Variants in FBN1 observed in about 807,000 individuals in gnomAD.
FBN1 encodes the protein fibrillin 1, also known as fibrillin-1.
FBN1 carries 29 observed loss-of-function variants against 365.1 expected under a neutral mutation model. That is an observed-to-expected ratio of 0.08 (90% CI 0.06 to 0.11). FBN1 has a LOEUF of 0.11. Ranked by LOEUF, FBN1 falls within the 10% of genes least tolerant of loss-of-function variation. FBN1 has a pLI of 1.00. For missense variants in FBN1, 2,476 were observed against 3,703.2 expected (o/e 0.67, Z 8.60); for synonymous variants, 1,210 against 1,270.5 (o/e 0.95, Z 1.01).
chr15:48,639,074 T>C (rs1034988541), intron 2 of FBN1, among the ~76,000 whole-genome samples: 3 of 152,250 alleles, frequency 2.0e-5, no homozygotes, highest in African/African-American at 7.2e-5. Context: ...TTAGGATTTG[T>C]GAACTAGCAT....
chr15:48,465,285 G>A (rs2141269237), intron 40 of FBN1, among the ~76,000 whole-genome samples: 1 of 152,320 alleles, frequency 6.6e-6, no homozygotes, highest in Non-Finnish European at 1.5e-5. Context: ...CTTTTCTGAA[G>A]AGCATGGAAA....
chr15:48,505,245 T>C, intron 15 of FBN1, 98 bp from the exon 16 acceptor site: 2 of 1,422,002 alleles, frequency 1.4e-6, no homozygotes, highest in South Asian at 1.2e-5. Flanking sequence ...ATGGGGAAGA[T>C]AGGAAATAAT....
intron 6 of FBN1, among the ~76,000 whole-genome samples, chr15:48,574,507 T>TA (rs1448297852): frequency 1.3e-5 from 2 of 151,704 alleles, no homozygotes; most frequent in Non-Finnish European, 2.9e-5. Context: ...CTAAAGGCAG[T>TA]AGGAAGTGGT....
chr15:48,444,400 G>A (rs2043138001), intron 49 of FBN1, 141 bp downstream of exon 49: 1 of 950,022 alleles, frequency 1.1e-6, no homozygotes, highest in Non-Finnish European at 1.7e-6. Context: ...CCAGAAGGAT[G>A]AGACCATGTC....
At chr15:48,581,378 A>G (rs1408708928) in intron 6 of FBN1, among the ~76,000 whole-genome samples, 1 of 152,232 alleles carries the variant, frequency 6.6e-6, no homozygotes, top group Non-Finnish European at 1.5e-5. Flanking sequence ...TGCCTGGTCT[A>G]CTTTCACAGA....
At chr15:48,523,713 G>A (rs1034881850) in intron 9 of FBN1, among the ~76,000 whole-genome samples, 1 of 111,154 alleles carries the variant, frequency 9.0e-6, no homozygotes, top group South Asian at 2.9e-4. Context: ...GGGTGGCTGG[G>A]GGGGGGGGGG....
chr15:48,543,388 C>T (rs1214314755), intron 6 of FBN1, among the ~76,000 whole-genome samples: 1 of 152,180 alleles, frequency 6.6e-6, no homozygotes, highest in African/African-American at 2.4e-5. Context: ...CACCAAAAGT[C>T]AACTCTTGAT....
chr15:48,519,264 TA>T (rs894314547), intron 10 of FBN1, among the ~76,000 whole-genome samples: 63 of 152,292 alleles, frequency 4.1e-4, no homozygotes, highest in African/African-American at 1.5e-3. Flanking sequence ...AATTGACAAG[TA>T]AAAATTGTAT....
At chr15:48,639,372 ATGT>A (rs1890157808) in intron 2 of FBN1, among the ~76,000 whole-genome samples, 1 of 152,068 alleles carries the variant, frequency 6.6e-6, no homozygotes. Flanking sequence ...TAACATATAG[ATGT>A]TACCTAAATG....
rs1396080637 is a variant in FBN1, at chr15:48,426,524, G to A, written c.7205-660C>T. 2.0e-5 allele frequency among the ~76,000 whole-genome samples: 3 copies of A among 151,968 alleles called. No individual in the cohort carries two copies. In the East Asian group the frequency reaches 5.8e-4, roughly 30 times the overall value. The stretch of plus-strand genomic sequence containing the variant: ...GGCTGTACCACAGAGAGAAAGACTG[G>A]GTCAATATGCACTGTTGAGCATTAA... On this transcript the variant is annotated intron_variant, in intron 58 of 65. Transcript: ENST00000316623.
chr15:48,583,412 C>A (rs2044411134), intron 6 of FBN1, among the ~76,000 whole-genome samples: 1 of 152,180 alleles, frequency 6.6e-6, no homozygotes, highest in Non-Finnish European at 1.5e-5. Context: ...AAGAATGGCA[C>A]ATGGTTCCAT....
chr15:48,621,479 A>T lies in FBN1; in HGVS notation c.165-8387T>A, dbSNP rs540102910. The stretch of plus-strand genomic sequence containing the variant: ...ACATCAAATAATTCCACTAAGGGCC[A>T]TTCTACAAAATATCTGACCAGCCCT... On this transcript the variant is annotated intron_variant, in intron 2 of 65. Transcript: ENST00000316623. 2.6e-5 allele frequency among the ~76,000 whole-genome samples: 4 copies of T among 152,338 alleles called. No homozygotes were observed. In the East Asian group the frequency reaches 7.7e-4, roughly 29 times the overall value.
chr15:48,520,464 A>C (rs1246363190), intron 10 of FBN1, among the ~76,000 whole-genome samples, 195 bp downstream of exon 10: 1 of 152,154 alleles, frequency 6.6e-6, no homozygotes, highest in Non-Finnish European at 1.5e-5. Flanking sequence ...CAGTACCTGA[A>C]AACAGTACTC....
chr15:48,582,544 G>A (rs552674635), intron 6 of FBN1, among the ~76,000 whole-genome samples: 11 of 152,238 alleles, frequency 7.2e-5, no homozygotes, highest in Non-Finnish European at 1.5e-4. Flanking sequence ...TATTGTTCAC[G>A]TAAACCATTA....
rs1555399731 is a variant in FBN1 at position 48,503,312 on chromosome 15, A to AAAG, written c.2113+472_2113+474dup. On this transcript the variant is annotated intron_variant, in intron 17 of 65. Transcript: ENST00000316623. The stretch of plus-strand genomic sequence containing the variant: ...ACTCCATCTCAAAAAAAAAAAAAAA[A>AAAG]AAGAAGAAGAAGAAGAAGAAAGAAA... Among the ~76,000 whole-genome samples the AAAG allele has an allele frequency of 6.9e-5, 10 of 145,282 alleles. No individual in the cohort carries two copies. The South Asian group carries it at 1.3e-3, about 19-fold the overall frequency.
intron 2 of FBN1, among the ~76,000 whole-genome samples, chr15:48,626,336 A>G (rs1938708699): frequency 6.6e-6 from 1 of 152,196 alleles, no homozygotes; most frequent in Admixed American, 6.5e-5. Context: ...ATTTTAGAAA[A>G]TTAAAAGGAA....
intron 17 of FBN1, 114 bp from the exon 18 acceptor site, chr15:48,499,152 G>T: frequency 9.4e-7 from 1 of 1,060,076 alleles, no homozygotes. Context: ...AACTTAAGTG[G>T]TAACGGAAAA....
chr15:48,563,281 T>C (rs1228100611), intron 6 of FBN1, among the ~76,000 whole-genome samples: 2 of 152,070 alleles, frequency 1.3e-5, no homozygotes, highest in Non-Finnish European at 1.5e-5. Flanking sequence ...ATATTTTTAA[T>C]GGTAATGTGA....
chr15:48,517,839 T>C (rs1184665286), intron 10 of FBN1, among the ~76,000 whole-genome samples: 2 of 152,188 alleles, frequency 1.3e-5, no homozygotes, highest in Non-Finnish European at 2.9e-5. Context: ...TAATAGAAAT[T>C]AGACTAATAT....
Sources: allele counts gnomAD v4.1 joint callset (sites outside exome capture counted in the v4.1 genomes callset), GRCh38; gene constraint gnomAD v4.1.1; transcripts MANE v1.5; gene names NCBI Gene and HGNC (gene_info 2026-07-23, HGNC 2026-07-21).